Variants in GRM8 observed in about 807,000 individuals in gnomAD.
GRM8 encodes glutamate metabotropic receptor 8.
GRM8 carries 47 observed loss-of-function variants against 87.2 expected under a neutral mutation model. That is an observed-to-expected ratio of 0.54 (90% CI 0.43 to 0.69). The LOEUF (loss-of-function observed/expected upper bound fraction) is 0.69. Ranked by LOEUF, GRM8 falls within the 30% of genes least tolerant of loss-of-function variation. The probability of loss-of-function intolerance (pLI) is 0.00; values close to 1 mark genes in which losing one functional copy is unlikely to be tolerated. For synonymous variants in GRM8, 396 were observed against 404.5 expected, an observed-to-expected ratio of 0.98 and a Z score of 0.25; for missense variants, 1,019 against 1,139.2, an observed-to-expected ratio of 0.89 and a Z score of 1.52.
intron 7 of GRM8, among the ~76,000 whole-genome samples, chr7:126,681,346 T>A (rs982606789): frequency 2.6e-5 from 4 of 152,076 alleles, no homozygotes. Flanking sequence ...CTTCTAAGAG[T>A]GGTCCATCCT....
rs564701823 is a variant in GRM8 at position 127,077,931 on chromosome 7, A to G, written c.727+28565T>C. ...TTTTTGGTTGTTTCAGTGAGGAGGT[A>G]CCGGAACTTGACATGTAGTAGGTCG... On this transcript the variant is annotated intron_variant, in intron 3 of 10. Transcript: ENST00000339582. Among the ~76,000 whole-genome samples the G allele has an allele frequency of 5.3e-5, 8 of 152,280 alleles. No individual in the cohort carries two copies. The South Asian group carries it at 1.2e-3, about 24-fold the overall frequency.
intron 2 of GRM8, among the ~76,000 whole-genome samples, chr7:127,201,185 G>A (rs1029938588): frequency 6.6e-6 from 1 of 152,156 alleles, no homozygotes; most frequent in African/African-American, 2.4e-5. Flanking sequence ...AGGGAAGGAA[G>A]CTTACCTTTT....
At chr7:126,839,806 A>G (rs1796111439) in intron 6 of GRM8, among the ~76,000 whole-genome samples, 2 of 152,204 alleles carry the variant, frequency 1.3e-5, no homozygotes, top group African/African-American at 4.8e-5. Context: ...GCTTGATATC[A>G]GACAACCTTA....
chr7:126,661,289 T>C (rs1585414787), intron 7 of GRM8, among the ~76,000 whole-genome samples: 1 of 151,866 alleles, frequency 6.6e-6, no homozygotes, highest in Non-Finnish European at 1.5e-5. Flanking sequence ...ACCCCATAAG[T>C]ATATATACCT....
chr7:127,077,585 C>T (rs529841920), intron 3 of GRM8, among the ~76,000 whole-genome samples: 7 of 152,250 alleles, frequency 4.6e-5, no homozygotes, highest in African/African-American at 1.4e-4. Context: ...AAATAAAAAC[C>T]ACCCACACAG....
rs117859059 is a variant in GRM8 at position 126,457,498 on chromosome 7, C to T, written c.2431-11126G>A. 8.6e-3 allele frequency among the ~76,000 whole-genome samples: 1,307 copies of T among 151,444 alleles called. 8 individuals are homozygous for T. The highest frequency in any genetic ancestry group is 0.021 in the Middle Eastern group (6 of 292). On this transcript the variant is annotated intron_variant, in intron 9 of 10. Coordinates refer to ENST00000339582, the MANE Select transcript of GRM8 (RefSeq NM_000845.3). Reference sequence around the variant, plus strand: ...AGGATTTAAATACAGGGTATGCTATCTGACTAATGTGAAATCAGATTAGAA... The same window carrying T: ...AGGATTTAAATACAGGGTATGCTATTTGACTAATGTGAAATCAGATTAGAA...
At chr7:127,219,981 T>G (rs1259918850) in intron 2 of GRM8, among the ~76,000 whole-genome samples, 1 of 152,212 alleles carries the variant, frequency 6.6e-6, no homozygotes, top group Non-Finnish European at 1.5e-5. Flanking sequence ...GACTTTCCTT[T>G]TGCTGCACCA....
chr7:126,490,328 T>G (rs908193404), intron 9 of GRM8, among the ~76,000 whole-genome samples: 12 of 152,052 alleles, frequency 7.9e-5, no homozygotes, highest in Non-Finnish European at 1.5e-4. Context: ...TGCTGACAAC[T>G]GCTGTTCTCT....
intron 7 of GRM8, among the ~76,000 whole-genome samples, chr7:126,617,474 A>G (rs560781209): frequency 3.0e-3 from 450 of 152,228 alleles, no homozygotes; most frequent in Middle Eastern, 6.8e-3. Flanking sequence ...CACAAGACAG[A>G]GATGCCCTCT....
At chr7:127,074,829 G>A (rs1418522708) in intron 3 of GRM8, among the ~76,000 whole-genome samples, 2 of 152,124 alleles carry the variant, frequency 1.3e-5, no homozygotes, top group African/African-American at 4.8e-5. Flanking sequence ...TGCCACAGCT[G>A]GATAGTTGGA....
intron 6 of GRM8, among the ~76,000 whole-genome samples, chr7:126,883,072 C>CT (rs1338511794): frequency 1.3e-5 from 2 of 152,180 alleles, no homozygotes; most frequent in Non-Finnish European, 2.9e-5. Flanking sequence ...CAAGGGGAGA[C>CT]TGGCTAGACA....
chr7:126,915,512 G>A (rs1191440242), intron 3 of GRM8, among the ~76,000 whole-genome samples: 1 of 152,154 alleles, frequency 6.6e-6, no homozygotes, highest in Non-Finnish European at 1.5e-5. Context: ...CCTCAAGGGG[G>A]ATATAGAGTC....
At chr7:126,841,088 T>C (rs1287221778) in intron 6 of GRM8, among the ~76,000 whole-genome samples, 3 of 152,248 alleles carry the variant, frequency 2.0e-5, no homozygotes, top group Non-Finnish European at 4.4e-5. Flanking sequence ...TGATTCACTA[T>C]CAGGACCAGA....
At chr7:127,211,249 CA>C (rs1796196457) in intron 2 of GRM8, among the ~76,000 whole-genome samples, 1 of 152,110 alleles carries the variant, frequency 6.6e-6, no homozygotes. Context: ...AGTATGTGGT[CA>C]AAAGCCTGAG....
chr7:126,719,434 T>G (rs1812125915), intron 7 of GRM8, among the ~76,000 whole-genome samples: 1 of 152,216 alleles, frequency 6.6e-6, no homozygotes. Flanking sequence ...TCTGCTGCAA[T>G]CATATTCCAG....
At chr7:126,865,386 AAG>A (rs1798496911) in intron 6 of GRM8, among the ~76,000 whole-genome samples, 1 of 152,248 alleles carries the variant, frequency 6.6e-6, no homozygotes, top group African/African-American at 2.4e-5. Flanking sequence ...CTAATCAAGA[AAG>A]AACTTTTATT....
At chr7:126,929,879 A>G (rs909886593) in intron 3 of GRM8, among the ~76,000 whole-genome samples, 1 of 20,646 alleles carries the variant, frequency 4.8e-5, no homozygotes, top group Non-Finnish European at 9.0e-5. Context: ...GATTTAAAAT[A>G]TAAAGAAACT....
intron 2 of GRM8, among the ~76,000 whole-genome samples, chr7:127,135,768 A>G (rs1827916692): frequency 6.6e-6 from 1 of 152,084 alleles, no homozygotes; most frequent in South Asian, 2.1e-4. Flanking sequence ...AAATTTAAAT[A>G]TGATAAGATA....
At chr7:126,462,446 CAATT>C (rs1803992935) in intron 9 of GRM8, among the ~76,000 whole-genome samples, 2 of 151,544 alleles carry the variant, frequency 1.3e-5, no homozygotes, top group Middle Eastern at 3.4e-3. Context: ...TTCAGTTAGA[CAATT>C]AGTTAGATAG....
Sources: gnomAD v4.1 joint callset for allele counts (sites outside exome capture counted in the v4.1 genomes callset) on GRCh38, gnomAD v4.1.1 for gene constraint, MANE v1.5 for transcripts, NCBI Gene and HGNC (gene_info 2026-07-23, HGNC 2026-07-21) for gene names.